Variants in PXK observed in about 807,000 individuals in gnomAD.
The protein encoded by PXK is PX domain-containing protein kinase-like protein.
In PXK, 35 loss-of-function variants were observed where a neutral mutation model predicts 84.7. The observed-to-expected ratio is 0.41, with a 90% CI of 0.32 to 0.55. PXK has a LOEUF of 0.55. Ranked by LOEUF, PXK falls within the 20% of genes least tolerant of loss-of-function variation. The pLI is 0.21. For missense variants in PXK, 634 were observed against 699.7 expected (o/e 0.91, Z 1.06); for synonymous variants, 253 against 260.8 (o/e 0.97, Z 0.29).
At chr3:58,386,227 C>T (rs2098549404) in intron 4 of PXK, among the ~76,000 whole-genome samples, 1 of 149,488 alleles carries the variant, frequency 6.7e-6, no homozygotes, top group Non-Finnish European at 1.5e-5. Context: ...GCAGGGAAAA[C>T]AGGTATCTCC....
intron 8 of PXK, 29 bp downstream of exon 8, chr3:58,395,131 A>T (rs1431146145): frequency 1.3e-6 from 2 of 1,519,954 alleles, no homozygotes; most frequent in Non-Finnish European, 1.8e-6. Context: ...GGTCATAAGG[A>T]ATTCTCAAGT....
At chr3:58,392,182 A>G (rs927967202) in intron 7 of PXK, among the ~76,000 whole-genome samples, 5 of 99,764 alleles carry the variant, frequency 5.0e-5, no homozygotes, top group African/African-American at 1.4e-4. Flanking sequence ...CAGCCTGAGA[A>G]AACAGAACTA....
At chr3:58,384,566 G>C (rs1053413712) in intron 4 of PXK, among the ~76,000 whole-genome samples, 1 of 152,170 alleles carries the variant, frequency 6.6e-6, no homozygotes, top group Non-Finnish European at 1.5e-5. Context: ...TGTCAAAGTA[G>C]CATCTTTTGT....
In PXK at chr3:58,399,449, C is replaced by T. The variant is rs2058235142; in HGVS notation, c.1181+72C>T. The T allele has an allele frequency of 2.4e-5, 35 of 1,465,146 alleles. No homozygotes were observed. Among genetic ancestry groups the T allele is most frequent in the Non-Finnish European group, 3.1e-5 (33 of 1,052,702 alleles). The allele number at this position is 1,465,146 out of a possible 1,614,324, so 90.8% of individuals were successfully genotyped here. On this transcript the variant is annotated intron_variant, in intron 12 of 17. Transcript: ENST00000356151. The surrounding 1 kb of genome is among the most constrained non-coding windows in gnomAD (Gnocchi z 4.3). ...ACACCAGACCACTGTGTCCAAGCAC[C>T]TGGTACTGTAGTAAAGATTCTTGCG...
At chr3:58,391,639 A>T (rs1431664074) in intron 6 of PXK, 134 bp from the exon 7 acceptor site, 5 of 784,256 alleles carry the variant, frequency 6.4e-6, no homozygotes, top group Non-Finnish European at 1.1e-5. Flanking sequence ...AAAGGTCTTG[A>T]GGCAGCCAGA....
At chr3:58,378,580 G>T (rs1279874891) in intron 3 of PXK, among the ~76,000 whole-genome samples, 3 of 132,866 alleles carry the variant, frequency 2.3e-5, no homozygotes, top group Non-Finnish European at 4.6e-5. Flanking sequence ...TGTTGCCCAG[G>T]CTGGAGTGCA....
At chr3:58,394,230 T>G (rs1053174655) in intron 7 of PXK, among the ~76,000 whole-genome samples, 1 of 152,220 alleles carries the variant, frequency 6.6e-6, no homozygotes, top group African/African-American at 2.4e-5. Context: ...TAAATTTTCA[T>G]GATACTCCTT....
Position 58,389,584 on chromosome 3 carries a change from A to C in PXK, c.389-998A>C, listed in dbSNP as rs369475627. On this transcript the variant is annotated intron_variant, in intron 4 of 17. Coordinates refer to ENST00000356151, the MANE Select transcript of PXK (RefSeq NM_017771.5). ...GTGGTTGTATTCCCAGCACTTTGGG[A>C]GGTCGAGATGGGCGGATCTCTTGAG... 2.0e-4 allele frequency among the ~76,000 whole-genome samples: 31 copies of C among 152,134 alleles called. 1 individual carries two copies. Among genetic ancestry groups the C allele is most frequent in the Admixed American group, 1.4e-3 (21 of 15,266 alleles).
At chr3:58,356,710 C>G (rs542225386) in intron 1 of PXK, among the ~76,000 whole-genome samples, 1 of 151,354 alleles carries the variant, frequency 6.6e-6, no homozygotes, top group Non-Finnish European at 1.5e-5. Context: ...TTCAAGTGAT[C>G]CTCCTGCCTA....
At chr3:58,351,891 G>A (rs2097934966) in intron 1 of PXK, among the ~76,000 whole-genome samples, 1 of 152,188 alleles carries the variant, frequency 6.6e-6, no homozygotes, top group African/African-American at 2.4e-5. Flanking sequence ...ATACTCACCT[G>A]CAGACACTTT....
rs530021464 is a variant in PXK at position 58,411,602 on chromosome 3, C to T, written c.1466-1299C>T. ...TTTTTATAGAGCAGAGAAAGCCTGA[C>T]AGTGTGCTCTCTACCTTCTAAGACC... On this transcript the variant is annotated intron_variant, in intron 16 of 17. Coordinates refer to ENST00000356151, the MANE Select transcript of PXK (RefSeq NM_017771.5). This position sits in a 1 kb window ranked among gnomAD's most constrained non-coding sequence, Gnocchi z 4.2. Among the ~76,000 whole-genome samples the T allele has an allele frequency of 2.4e-4, 37 of 152,274 alleles. No individual in the cohort carries two copies. In the South Asian group the frequency reaches 6.0e-3, roughly 25 times the overall value.
At position 58,421,849 on chromosome 3, in the gene PXK, G is replaced by A; in HGVS notation, c.1529-2903G>A. ...AATCGGGACTGACCTGGTCGTAACT[G>A]AAGGTAAGCTGTTTGCAGCATCCCC... is the stretch of plus-strand genomic sequence containing the variant. On this transcript the variant is annotated intron_variant, in intron 17 of 17. Coordinates refer to ENST00000356151, the MANE Select transcript of PXK (RefSeq NM_017771.5). The surrounding 1 kb of genome is among the most constrained non-coding windows in gnomAD (Gnocchi z 5.5). The A allele has an allele frequency of 1.0e-6, 1 of 985,416 alleles. No individual in the cohort carries two copies. The highest frequency in any genetic ancestry group is 1.2e-6 in the Non-Finnish European group (1 of 829,926). 61.0% of individuals were successfully genotyped at this position (985,416 alleles called of 1,614,324 possible).
Position 58,397,258 on chromosome 3 carries a change from G to C in PXK, c.984+58G>C. The C allele has an allele frequency of 6.4e-7, 1 of 1,560,128 alleles. No homozygotes were observed. The highest frequency in any genetic ancestry group is 1.8e-4 in the Middle Eastern group (1 of 5,668). On this transcript the variant is annotated intron_variant, in intron 10 of 17. Coordinates refer to ENST00000356151, the MANE Select transcript of PXK (RefSeq NM_017771.5). The surrounding 1 kb of genome is among the most constrained non-coding windows in gnomAD (Gnocchi z 4.7). ...ATTTTTAGGTGTCAGTTATCCCCAT[G>C]ATCTGCCCATGTAGGAAATATGCAC...
At chr3:58,423,736 TG>T (rs1576919240) in intron 17 of PXK, among the ~76,000 whole-genome samples, 1 of 152,326 alleles carries the variant, frequency 6.6e-6, no homozygotes, top group East Asian at 1.9e-4. Context: ...CTCAGAGAGC[TG>T]CAAGGTCACA....
Position 58,401,421 on chromosome 3 carries a change from C to G in PXK, c.1181+2044C>G, listed in dbSNP as rs2058537945. 6.6e-6 allele frequency among the ~76,000 whole-genome samples: 1 copy of G among 151,940 alleles called. No homozygotes were observed. The highest frequency in any genetic ancestry group is 1.5e-5 in the Non-Finnish European group (1 of 67,994). ...TTGAGCTCAGGAGTTCAAGACCAGC[C>G]TGGCCAACATGGCGAAACCCCATCT... is the stretch of plus-strand genomic sequence containing the variant. On this transcript the variant is annotated intron_variant, in intron 12 of 17. Transcript: ENST00000356151. This position sits in a 1 kb window ranked among gnomAD's most constrained non-coding sequence, Gnocchi z 4.4.
chr3:58,425,767 C>A lies in PXK; in HGVS notation c.*807C>A, dbSNP rs1427068723. Reference sequence around the variant, plus strand: ...AAGTAAATTTGGCATCTATAGAAATCAATTATGATTTTTGAAAGATTTATC... The same window carrying A: ...AAGTAAATTTGGCATCTATAGAAATAAATTATGATTTTTGAAAGATTTATC... On this transcript the variant is annotated 3_prime_UTR_variant, in exon 18 of 18. Coordinates refer to ENST00000356151, the MANE Select transcript of PXK (RefSeq NM_017771.5). The A allele has an allele frequency of 6.6e-6, 1 of 152,124 alleles. No individual in the cohort carries two copies. Among genetic ancestry groups the A allele is most frequent in the Non-Finnish European group, 1.5e-5 (1 of 68,030 alleles). The allele number at this position is 152,124 out of a possible 1,614,324, so 9.4% of individuals were successfully genotyped here.
intron 7 of PXK, among the ~76,000 whole-genome samples, chr3:58,393,093 A>G (rs111891311): frequency 0.1 from 15,206 of 152,180 alleles, 993 homozygotes; most frequent in African/African-American, 0.17. Flanking sequence ...TCATGCCTGT[A>G]ATCCCAGCAC....
rs35342339 is a variant in PXK at position 58,407,535 on chromosome 3, TTTTA to T, written c.1231-1365_1231-1362del. ...TCCGTTTTTCTTTGTTGCACCAATG[TTTTA>T]TTTATTTATTTATTTATTTATTTTT... is the stretch of plus-strand genomic sequence containing the variant. On this transcript the variant is annotated intron_variant, in intron 13 of 17. Coordinates refer to ENST00000356151, the MANE Select transcript of PXK (RefSeq NM_017771.5). The surrounding 1 kb of genome is among the most constrained non-coding windows in gnomAD (Gnocchi z 4.3). 0.49 allele frequency among the ~76,000 whole-genome samples: 74,146 copies of T among 150,268 alleles called. 19,244 individuals carry two copies. Among genetic ancestry groups the T allele is most frequent in the Middle Eastern group, 0.56 (162 of 290 alleles).
chr3:58,360,219 A>G (rs1575983999), intron 1 of PXK, among the ~76,000 whole-genome samples: 1 of 152,228 alleles, frequency 6.6e-6, no homozygotes, highest in East Asian at 1.9e-4. Flanking sequence ...CATGCCAAGT[A>G]CATAATAATT....
Sources: gnomAD v4.1 joint callset for allele counts (sites outside exome capture counted in the v4.1 genomes callset) on GRCh38, gnomAD v4.1.1 for gene constraint, Gnocchi (gnomAD v3.1) non-coding constraint, MANE v1.5 for transcripts, NCBI Gene and HGNC (gene_info 2026-07-23, HGNC 2026-07-21) for gene names.